CYP2C8: variants seen among roughly 807,000 people sequenced by gnomAD.
The protein encoded by CYP2C8 is cytochrome P450 2C8.
In CYP2C8, 51 loss-of-function variants were observed where a neutral mutation model predicts 41.3. The ratio of observed to expected loss-of-function variants is 1.24; its 90% CI spans 0.99 to 1.56. The LOEUF (loss-of-function observed/expected upper bound fraction) is 1.56, where lower values mean the gene tolerates loss of function less well. Among genes scored for constraint, CYP2C8 ranks in the 40% most tolerant of loss-of-function variants. CYP2C8 has a pLI of 0.00. For synonymous variants in CYP2C8, 218 were observed against 205.8 expected (o/e 1.06, Z -0.51); for missense variants, 651 against 579.9 (o/e 1.12, Z -1.26).
rs761226800 is a variant in CYP2C8 at position 95,045,875 on chromosome 10, G to T, written c.896C>A (p.Thr299Lys). 21 of 1,614,054 alleles carry T rather than the reference G, an allele frequency of 1.3e-5. No homozygotes were observed. The South Asian group carries it at 2.1e-4, about 16-fold the overall frequency. ...TCTCAGAGTGGTGCTTGTTGTCTCT[G>T]TTCCAGCAACAAATAGATCAGCTAC... ...GTVADLFVAG[T>K]ETTSTTLRYG... The change falls in exon 6 of 9, where the codon ACA (threonine) becomes AAA (lysine). Residue 299 changes from threonine to lysine, a missense_variant. Coordinates refer to ENST00000371270, the MANE Select transcript of CYP2C8 (RefSeq NM_000770.3).
chr10:95,047,938 C>G (rs892745987), intron 5 of CYP2C8, among the ~76,000 whole-genome samples: 2 of 152,108 alleles, frequency 1.3e-5, no homozygotes, highest in African/African-American at 4.8e-5. Flanking sequence ...GTCTCAAAAC[C>G]ACAGCCTACT....
Position 95,069,344 on chromosome 10 carries a change from C to T in CYP2C8, c.59G>A (p.Trp20Ter), listed in dbSNP as rs1564743916. 2 of 1,614,052 alleles carry T rather than the reference C, an allele frequency of 1.2e-6. No individual in the cohort carries two copies. The highest frequency in any genetic ancestry group is 1.7e-4 in the Middle Eastern group (1 of 6,058). The change falls in exon 1 of 9, where the codon TGG (tryptophan) becomes TAG (stop). Residue 20 changes from tryptophan (W) to a stop codon, truncating the protein, a stop_gained. Transcript: ENST00000371270. LOFTEE classifies it high-confidence loss of function. ...CLSFMLLFSL[W>*]RQSCRRRKLP... ...CTTCCTTCTCCTACAGCTCTGTCTC[C>T]AGAGTGAAAAGAGAAGCATAAAAGA...
chr10:95,054,529 A>T (rs953991846), intron 5 of CYP2C8, among the ~76,000 whole-genome samples: 1 of 152,182 alleles, frequency 6.6e-6, no homozygotes, highest in Non-Finnish European at 1.5e-5. Flanking sequence ...CACTACTGCT[A>T]TTCAGCATAG....
intron 4 of CYP2C8, among the ~76,000 whole-genome samples, chr10:95,059,156 C>T (rs1189482218): frequency 2.0e-5 from 3 of 152,178 alleles, no homozygotes; most frequent in African/African-American, 4.8e-5. Flanking sequence ...AGGGTATATA[C>T]CCAGTAATGG....
chr10:95,046,950 G>A (rs2033120984), intron 5 of CYP2C8, among the ~76,000 whole-genome samples: 1 of 152,102 alleles, frequency 6.6e-6, no homozygotes. Flanking sequence ...ATTGTTATAG[G>A]TGGAATCTGG....
intron 3 of CYP2C8, 110 bp downstream of exon 3, chr10:95,067,098 A>T (rs2033584815): frequency 1.4e-6 from 2 of 1,479,174 alleles, no homozygotes; most frequent in East Asian, 4.5e-5. Flanking sequence ...CTGAGGGCTG[A>T]CAACCAGGAT....
chr10:95,037,509 G>C (rs2032910078), intron 8 of CYP2C8, among the ~76,000 whole-genome samples, 200 bp from the exon 9 acceptor site: 1 of 152,130 alleles, frequency 6.6e-6, no homozygotes, highest in African/African-American at 2.4e-5. Context: ...TGTACAAAAA[G>C]AGATATATTT....
intron 4 of CYP2C8, among the ~76,000 whole-genome samples, chr10:95,062,515 A>G (rs1036503716): frequency 2.6e-5 from 4 of 151,440 alleles, no homozygotes; most frequent in Non-Finnish European, 4.4e-5. Context: ...CCTTCCCTTT[A>G]TTTTGAGCCT....
intron 6 of CYP2C8, among the ~76,000 whole-genome samples, chr10:95,044,855 A>G (rs1281735137): frequency 6.6e-6 from 1 of 152,194 alleles, no homozygotes; most frequent in Non-Finnish European, 1.5e-5. Context: ...TGAGAATCAC[A>G]GTGACACAGA....
At chr10:95,048,121 T>G (rs1025548312) in intron 5 of CYP2C8, among the ~76,000 whole-genome samples, 2 of 152,220 alleles carry the variant, frequency 1.3e-5, no homozygotes, top group Admixed American at 1.3e-4. Context: ...TGTGTATGTG[T>G]GTGTGCGTGT....
rs753496656 is a variant in CYP2C8 at position 95,068,665 on chromosome 10, T to C, written c.168+570A>G. ...AGAGGAGAAACAGCACTTTAAACTTTTGCCACTGTATTAAATGATTATATA... is the reference window on the plus strand; with the variant it reads ...AGAGGAGAAACAGCACTTTAAACTTCTGCCACTGTATTAAATGATTATATA... On this transcript the variant is annotated intron_variant, in intron 1 of 8. Transcript: ENST00000371270. The C allele has an allele frequency of 2.0e-5, 25 of 1,233,296 alleles. No homozygotes were observed. In the South Asian group the frequency reaches 2.9e-4, roughly 14 times the overall value. 76.4% of individuals were successfully genotyped at this position (1,233,296 alleles called of 1,614,324 possible). A position where few individuals can be genotyped will look rare whatever the true frequency, so the allele number is the denominator to read the frequency against.
chr10:95,053,180 C>A (rs1244060482), intron 5 of CYP2C8, among the ~76,000 whole-genome samples: 1 of 151,926 alleles, frequency 6.6e-6, no homozygotes, highest in Non-Finnish European at 1.5e-5. Context: ...AAAAGTAATC[C>A]CATTTACAAT....
intron 7 of CYP2C8, among the ~76,000 whole-genome samples, chr10:95,040,637 G>A (rs1589436150): frequency 6.6e-6 from 1 of 152,170 alleles, no homozygotes; most frequent in South Asian, 2.1e-4. Context: ...GAACTTCAGA[G>A]AGGTAAGCTC....
At chr10:95,037,422 T>C in intron 8 of CYP2C8, 113 bp from the exon 9 acceptor site, 1 of 878,090 alleles carries the variant, frequency 1.1e-6, no homozygotes, top group South Asian at 1.4e-5. Flanking sequence ...TGATTAATGA[T>C]TGGGTAGATG....
chr10:95,037,182 G>A lies in CYP2C8; in HGVS notation c.1419C>T (p.Thr473=). 1.2e-6 allele frequency: 2 copies of A among 1,613,880 alleles called. No homozygotes were observed. The highest frequency in any genetic ancestry group is 1.7e-6 in the Non-Finnish European group (2 of 1,179,854). ...AGGGTGGCAGAGAAACAATCCCTTT[G>A]GTAACTGCAGTAGTATTGAGGTTCT... The part of the protein sequence containing the change: ...DLKNLNTTAV[T]KGIVSLPPSY... Residue 473 remains threonine (T), a synonymous_variant, in exon 9 of 9, where the codon ACC becomes ACT. Transcript: ENST00000371270.
At chr10:95,045,326 A>C (rs1313603491) in intron 6 of CYP2C8, among the ~76,000 whole-genome samples, 5 of 152,140 alleles carry the variant, frequency 3.3e-5, no homozygotes, top group African/African-American at 1.2e-4. Context: ...TAAGAGACTA[A>C]CTTTTAGATT....
rs2033095717 is a variant in CYP2C8, at chr10:95,045,803, G to A, written c.961+7C>T. The A allele has an allele frequency of 6.2e-7, 1 of 1,613,842 alleles. No individual in the cohort carries two copies. The highest frequency in any genetic ancestry group is 1.3e-5 in the African/African-American group (1 of 74,994). ...AAATTCACTTTGTTCATCATCTGTG[G>A]TCCTACCTGTGACCTCTGGGTGCTT... On this transcript the variant is annotated splice_region_variant and intron_variant, in intron 6 of 8. Coordinates refer to ENST00000371270, the MANE Select transcript of CYP2C8 (RefSeq NM_000770.3).
intron 5 of CYP2C8, among the ~76,000 whole-genome samples, chr10:95,054,853 T>C (rs367920541): frequency 1.2e-4 from 18 of 152,152 alleles, no homozygotes; most frequent in Non-Finnish European, 2.2e-4. Context: ...ATCAAGAAGA[T>C]AAAAGACTGA....
chr10:95,057,828 T>C (rs915066355), intron 5 of CYP2C8, among the ~76,000 whole-genome samples: 2 of 152,082 alleles, frequency 1.3e-5, no homozygotes, highest in African/African-American at 4.8e-5. Flanking sequence ...AATTAAACCT[T>C]CTCTCTTCCA....
Sources: allele counts gnomAD v4.1 joint callset (sites outside exome capture counted in the v4.1 genomes callset), GRCh38; gene constraint gnomAD v4.1.1; transcripts MANE v1.5; gene names NCBI Gene and HGNC (gene_info 2026-07-23, HGNC 2026-07-21).